Variants in SPTBN4 observed in about 807,000 individuals in gnomAD.
SPTBN4 encodes the protein spectrin beta chain, non-erythrocytic 4.
A neutral mutation model predicts 277.8 loss-of-function variants in SPTBN4; 96 were observed. That is an observed-to-expected ratio of 0.35 (90% CI 0.29 to 0.41). SPTBN4 has a LOEUF of 0.41. SPTBN4 is among the 10% of genes least tolerant of loss of function. SPTBN4 has a pLI of 1.00. For synonymous variants in SPTBN4, 1,481 were observed against 1,580.3 expected, an observed-to-expected ratio of 0.94 and a Z score of 1.49; for missense variants, 3,006 against 3,595.7, an observed-to-expected ratio of 0.84 and a Z score of 4.19.
At chr19:40,545,325 ACCTTGTGATCTGCCTG>A (rs2080847217) in intron 20 of SPTBN4, among the ~76,000 whole-genome samples, 17 of 151,440 alleles carry the variant, frequency 1.1e-4, no homozygotes, top group Admixed American at 9.2e-4. Context: ...CAAACTCCTG[ACCTTGTGATCTGCCTG>A]CCTTGGCCTC....
intron 17 of SPTBN4, among the ~76,000 whole-genome samples, chr19:40,527,167 A>G (rs2080602447): frequency 6.6e-6 from 1 of 151,764 alleles, no homozygotes; most frequent in Non-Finnish European, 1.5e-5. Flanking sequence ...CTATTTCTGT[A>G]TCTCTGTTTC....
chr19:40,491,963 G>A (rs1411951470), intron 4 of SPTBN4, among the ~76,000 whole-genome samples: 3 of 151,336 alleles, frequency 2.0e-5, no homozygotes, highest in Non-Finnish European at 2.9e-5. Flanking sequence ...TGGAGGTTGC[G>A]GTGAGCTGAG....
At position 40,489,971 on chromosome 19, in the gene SPTBN4, G is replaced by C. The variant is rs760010533; in HGVS notation, c.322-104G>C. On this transcript the variant is annotated intron_variant, in intron 3 of 35. Transcript: ENST00000598249. ...GACAGCCTGATCCTGGACACTCAGG[G>C]GGCGTGGCCACGGGAGGCGGGCTTC... 2.7e-5 allele frequency: 33 copies of C among 1,217,332 alleles called. 1 individual carries two copies. In the South Asian group the frequency reaches 4.9e-4, roughly 18 times the overall value. The allele number at this position is 1,217,332 out of a possible 1,614,324, so 75.4% of individuals were successfully genotyped here. A position where few individuals can be genotyped will look rare whatever the true frequency, so the allele number is the denominator to read the frequency against.
At chr19:40,566,102 C>T (rs2081089202) in intron 29 of SPTBN4, 61 bp from the exon 30 acceptor site, 1 of 1,433,566 alleles carries the variant, frequency 7.0e-7, no homozygotes, top group Non-Finnish European at 9.2e-7. Flanking sequence ...GGGGAACAGC[C>T]ATTGCCCCCA....
chr19:40,526,871 G>T (rs1351647259), intron 17 of SPTBN4, among the ~76,000 whole-genome samples: 1 of 152,216 alleles, frequency 6.6e-6, no homozygotes, highest in African/African-American at 2.4e-5. Flanking sequence ...TTACAGGCGT[G>T]AGCCATCGTG....
At chr19:40,518,209 G>A (rs1447929020) in intron 15 of SPTBN4, among the ~76,000 whole-genome samples, 1 of 152,126 alleles carries the variant, frequency 6.6e-6, no homozygotes, top group East Asian at 1.9e-4. Flanking sequence ...GGGAGGCTGA[G>A]GCAGGAGAAT....
chr19:40,473,782 C>T (rs1254511245), intron 2 of SPTBN4, among the ~76,000 whole-genome samples: 1 of 151,934 alleles, frequency 6.6e-6, no homozygotes, highest in Admixed American at 6.6e-5. Flanking sequence ...CCCTTAGAAT[C>T]CCGAAATGCA....
At position 40,490,518 on chromosome 19, in the gene SPTBN4, C is replaced by T. The variant is rs186945938; in HGVS notation, c.495+270C>T. On this transcript the variant is annotated intron_variant, in intron 4 of 35. Coordinates refer to ENST00000598249, the MANE Select transcript of SPTBN4 (RefSeq NM_020971.3). This position sits in a 1 kb window ranked among gnomAD's most constrained non-coding sequence, Gnocchi z 4.3. ...CCCATAAATTAGGTACTATTTAGTACCCCATTTTACCAGTGAGGAAATGGA... is the reference window on the plus strand; with the variant it reads ...CCCATAAATTAGGTACTATTTAGTATCCCATTTTACCAGTGAGGAAATGGA... Among the ~76,000 whole-genome samples the T allele has an allele frequency of 6.6e-6, 1 of 152,204 alleles. No individual in the cohort carries two copies. The highest frequency in any genetic ancestry group is 1.9e-4 in the East Asian group (1 of 5,186).
intron 2 of SPTBN4, among the ~76,000 whole-genome samples, chr19:40,481,935 GTCT>G (rs1361744965): frequency 6.7e-6 from 1 of 149,894 alleles, no homozygotes; most frequent in Non-Finnish European, 1.5e-5. Context: ...GGCCATTCAA[GTCT>G]TTTTTTTTTT....
chr19:40,567,621 G>T, intron 30 of SPTBN4, 42 bp from the exon 31 acceptor site: 3 of 505,832 alleles, frequency 5.9e-6, no homozygotes, highest in South Asian at 2.5e-5. Flanking sequence ...ACCCCGCCCC[G>T]GCCCCACGCC....
At chr19:40,495,085 C>A in intron 6 of SPTBN4, 108 bp downstream of exon 6, 1 of 1,009,918 alleles carries the variant, frequency 9.9e-7, no homozygotes, top group Non-Finnish European at 1.5e-6. Context: ...GACATAAAGA[C>A]CCATCCCTTC....
At chr19:40,545,285 AG>A (rs1415418470) in intron 20 of SPTBN4, among the ~76,000 whole-genome samples, 1 of 150,318 alleles carries the variant, frequency 6.7e-6, no homozygotes, top group Non-Finnish European at 1.5e-5. Flanking sequence ...TAGTAGAGAC[AG>A]GGTTTCACCA....
intron 35 of SPTBN4, 103 bp from the exon 36 acceptor site, chr19:40,575,308 T>C (rs2081191137): frequency 7.4e-7 from 1 of 1,351,648 alleles, no homozygotes; most frequent in Non-Finnish European, 9.9e-7. Flanking sequence ...TTTTAATAGA[T>C]GAGAAAACTG....
Position 40,490,528 on chromosome 19 carries a change from C to T in SPTBN4, c.495+280C>T, listed in dbSNP as rs928261343. 5.9e-5 allele frequency among the ~76,000 whole-genome samples: 9 copies of T among 152,116 alleles called. No individual in the cohort carries two copies. The highest frequency in any genetic ancestry group is 1.9e-4 in the African/African-American group (8 of 41,424). ...AGGTACTATTTAGTACCCCATTTTA[C>T]CAGTGAGGAAATGGAAGCCCAGATA... is the stretch of plus-strand genomic sequence containing the variant. On this transcript the variant is annotated intron_variant, in intron 4 of 35. Coordinates refer to ENST00000598249, the MANE Select transcript of SPTBN4 (RefSeq NM_020971.3). This position sits in a 1 kb window ranked among gnomAD's most constrained non-coding sequence, Gnocchi z 4.3.
rs200346450 is a variant in SPTBN4, at chr19:40,519,995, G to A, written c.3498G>A (p.Pro1166=). Residue 1166 remains proline (P), a synonymous_variant, in exon 16 of 36, where the codon CCG becomes CCA. Transcript: ENST00000598249. The surrounding 1 kb of genome is among the most constrained non-coding windows in gnomAD (Gnocchi z 5.7). ...CCGCCGACGGCGCAGAGCTGGGCCC[G>A]GGCCTGGCACTAGACGAGTGGCTGC... is the stretch of plus-strand genomic sequence containing the variant. ...LLAADGAELG[P]GLALDEWLPH... 3 of 1,561,374 alleles carry A rather than the reference G, an allele frequency of 1.9e-6. No homozygotes were observed. In the Admixed American group the frequency reaches 6.1e-5, roughly 32 times the overall value.
Position 40,554,413 on chromosome 19 carries a change from G to C in SPTBN4, c.4941G>C (p.Glu1647Asp). The C allele has an allele frequency of 6.3e-7, 1 of 1,575,548 alleles. No individual in the cohort carries two copies. Among genetic ancestry groups the C allele is most frequent in the Non-Finnish European group, 8.6e-7 (1 of 1,159,416 alleles). ...AGCAGGAGCTGCTCATGATGAGTGA[G>C]GACAAGGGCAAGGTGCGCCCGAGCT... Reference protein sequence around the residue: ...LGEQELLMMSEDKGKDEQSTL... With the variant: ...LGEQELLMMSDDKGKDEQSTL... Residue 1647 changes from glutamate to aspartate, a missense_variant, in exon 23 of 36, where the codon GAG (glutamate) becomes GAC (aspartate). Around this residue, in one of 5 missense-constraint regions of SPTBN4, gnomAD observed 1,759 missense variants for 2,061.5 expected, o/e 0.85. Coordinates refer to ENST00000598249, the MANE Select transcript of SPTBN4 (RefSeq NM_020971.3). The surrounding 1 kb of genome is among the most constrained non-coding windows in gnomAD (Gnocchi z 5.7).
At position 40,554,359 on chromosome 19, in the gene SPTBN4, C is replaced by T. The variant is rs1368023291; in HGVS notation, c.4887C>T (p.Asp1629=). Residue 1629 remains aspartate (D), a synonymous_variant, in exon 23 of 36, where the codon GAC becomes GAT. Coordinates refer to ENST00000598249, the MANE Select transcript of SPTBN4 (RefSeq NM_020971.3). This position sits in a 1 kb window ranked among gnomAD's most constrained non-coding sequence, Gnocchi z 5.7. ...AAFQVEQYYF[D]VAEVEAWLGE... is the part of the protein sequence containing the mutation. ...TCCAGGTGGAGCAGTACTACTTCGA[C>T]GTGGCTGAGGTGGAGGCGTGGCTGG... 17 of 1,583,798 alleles carry T rather than the reference C, an allele frequency of 1.1e-5. No individual in the cohort carries two copies. The highest frequency in any genetic ancestry group is 1.3e-5 in the Non-Finnish European group (15 of 1,170,386).
Position 40,519,728 on chromosome 19 carries a change from T to C in SPTBN4, c.3231T>C (p.Ala1077=). 1 of 1,404,480 alleles carries C rather than the reference T, an allele frequency of 7.1e-7. No individual in the cohort carries two copies. Among genetic ancestry groups the C allele is most frequent in the Non-Finnish European group, 9.2e-7 (1 of 1,091,638 alleles). The allele number at this position is 1,404,480 out of a possible 1,614,324, so 87.0% of individuals were successfully genotyped here. Residue 1077 remains alanine (A), a synonymous_variant, in exon 16 of 36, where the codon GCT becomes GCC. Coordinates refer to ENST00000598249, the MANE Select transcript of SPTBN4 (RefSeq NM_020971.3). The surrounding 1 kb of genome is among the most constrained non-coding windows in gnomAD (Gnocchi z 5.7). ...AGTGGGGCGCGCTAGCTAGCGCGGC[T>C]CAGGCCTGCGGCGAGGCGGTGGCGG... The part of the protein sequence containing the change: ...GAEWGALASA[A]QACGEAVAAA...
In SPTBN4 at chr19:40,567,796, T is replaced by C. The variant is rs976437704; in HGVS notation, c.6470T>C (p.Leu2157Ser). The C allele has an allele frequency of 6.6e-7, 1 of 1,509,640 alleles. No individual in the cohort carries two copies. The highest frequency in any genetic ancestry group is 8.9e-7 in the Non-Finnish European group (1 of 1,127,672). The allele number at this position is 1,509,640 out of a possible 1,614,324, so 93.5% of individuals were successfully genotyped here. Residue 2157 changes from leucine (L) to serine (S), a missense_variant, in exon 31 of 36, where the codon TTG becomes TCG. Physicochemically the swap from Leu to Ser is moderately radical, Grantham distance 145. Transcript: ENST00000598249. ...CGGCCAGGGGGCTATGAAAGGGGCT[T>C]GGAGCCCCTGGCCCGCCGAGCCTCG... ...LLRPGGYERG[L>S]EPLARRASDT...
Sources: gnomAD v4.1 joint callset for allele counts (sites outside exome capture counted in the v4.1 genomes callset) on GRCh38, gnomAD v4.1.1 for gene constraint, gnomAD v4.1.1 regional missense constraint, Gnocchi (gnomAD v3.1) non-coding constraint, MANE v1.5 for transcripts, NCBI Gene and HGNC (gene_info 2026-07-23, HGNC 2026-07-21) for gene names.